BBS9: variants seen among roughly 807,000 people sequenced by gnomAD.
BBS9 encodes Bardet-Biedl syndrome 9.
Under a neutral mutation model 117.7 loss-of-function variants are expected in BBS9, and 89 were observed. That is an observed-to-expected ratio of 0.76 (90% CI 0.64 to 0.90). The LOEUF (loss-of-function observed/expected upper bound fraction) is 0.90, where lower values mean the gene tolerates loss of function less well. Among genes scored for constraint, BBS9 ranks in the 40% least tolerant of loss-of-function variants. BBS9 has a pLI of 0.00. For missense variants in BBS9, 982 were observed against 1,042.2 expected, an observed-to-expected ratio of 0.94 and a Z score of 0.80; for synonymous variants, 379 against 370.9, an observed-to-expected ratio of 1.02 and a Z score of -0.25.
chr7:33,506,483 A>G (rs1846171652), intron 20 of BBS9, among the ~76,000 whole-genome samples: 1 of 152,208 alleles, frequency 6.6e-6, no homozygotes, highest in Admixed American at 6.5e-5. Flanking sequence ...ACCAGGTGTT[A>G]AGTGTTTTGT....
intron 21 of BBS9, among the ~76,000 whole-genome samples, chr7:33,574,445 G>A (rs2598400): frequency 0.41 from 61,979 of 151,884 alleles, 17,627 homozygotes; most frequent in African/African-American, 0.81. Context: ...AGATGAAGAA[G>A]ATGAGGCCCA....
chr7:33,309,772 G>T (rs1808817279), intron 9 of BBS9, among the ~76,000 whole-genome samples: 1 of 152,178 alleles, frequency 6.6e-6, no homozygotes. Context: ...ATCCGGCCAT[G>T]TGGTATTGGA....
At chr7:33,150,262 A>G (rs1225809708) in intron 2 of BBS9, among the ~76,000 whole-genome samples, 2 of 152,176 alleles carry the variant, frequency 1.3e-5, no homozygotes, top group Non-Finnish European at 2.9e-5. Flanking sequence ...TTAGATGACA[A>G]TTTTGAGATT....
chr7:33,450,156 C>T (rs1323087537), intron 19 of BBS9, among the ~76,000 whole-genome samples: 3 of 152,180 alleles, frequency 2.0e-5, no homozygotes, highest in African/African-American at 7.2e-5. Flanking sequence ...GTTTATTTCT[C>T]TTAGCATAAG....
At chr7:33,379,757 A>T (rs1824605413) in intron 17 of BBS9, among the ~76,000 whole-genome samples, 1 of 152,246 alleles carries the variant, frequency 6.6e-6, no homozygotes, top group Non-Finnish European at 1.5e-5. Flanking sequence ...TAATGACAAT[A>T]AGTAACATTT....
intron 21 of BBS9, among the ~76,000 whole-genome samples, chr7:33,597,890 A>G (rs1434983908): frequency 4.0e-5 from 6 of 151,772 alleles, no homozygotes; most frequent in Admixed American, 6.6e-5. Flanking sequence ...AAAAAAAACA[A>G]AACAAAAACA....
chr7:33,282,919 A>C (rs1033497616), intron 9 of BBS9, among the ~76,000 whole-genome samples: 1 of 152,162 alleles, frequency 6.6e-6, no homozygotes, highest in African/African-American at 2.4e-5. Flanking sequence ...AAAATAGCAT[A>C]CTTATATTTT....
chr7:33,237,790 G>A (rs1431930138), intron 5 of BBS9, among the ~76,000 whole-genome samples: 1 of 152,136 alleles, frequency 6.6e-6, no homozygotes, highest in Non-Finnish European at 1.5e-5. Flanking sequence ...GGAGTTATCA[G>A]CTCTAGGTAT....
chr7:33,351,401 C>A, intron 14 of BBS9, 78 bp downstream of exon 14: 1 of 934,920 alleles, frequency 1.1e-6, no homozygotes, highest in Non-Finnish European at 1.8e-6. Context: ...GATGAGAAAA[C>A]ATACTGTGAA....
At chr7:33,164,765 G>T (rs1255315561) in intron 4 of BBS9, among the ~76,000 whole-genome samples, 1 of 152,114 alleles carries the variant, frequency 6.6e-6, no homozygotes, top group Non-Finnish European at 1.5e-5. Context: ...GTACACTGAT[G>T]GGTCTGGACT....
chr7:33,223,167 AT>A (rs933572241), intron 5 of BBS9, among the ~76,000 whole-genome samples: 1 of 151,790 alleles, frequency 6.6e-6, no homozygotes, highest in African/African-American at 2.4e-5. Context: ...CCCCAAATTA[AT>A]TTTTTAATTG....
At chr7:33,488,988 C>CTTTTTT (rs869216155) in intron 19 of BBS9, among the ~76,000 whole-genome samples, 3 of 103,330 alleles carry the variant, frequency 2.9e-5, no homozygotes, top group Non-Finnish European at 5.7e-5. Context: ...GGACAGACTT[C>CTTTTTT]TTTTTTTTTT....
At chr7:33,599,063 A>G (rs991794539) in intron 21 of BBS9, among the ~76,000 whole-genome samples, 2 of 152,198 alleles carry the variant, frequency 1.3e-5, no homozygotes, top group African/African-American at 2.4e-5. Context: ...CACAGAGTCT[A>G]AAAAATATTT....
intron 9 of BBS9, among the ~76,000 whole-genome samples, chr7:33,297,159 G>A (rs1398895072): frequency 6.6e-6 from 1 of 152,164 alleles, no homozygotes; most frequent in Non-Finnish European, 1.5e-5. Context: ...GACTCCAGGA[G>A]ATGACCTGTT....
At chr7:33,600,351 C>T (rs1458333594) in intron 21 of BBS9, among the ~76,000 whole-genome samples, 1 of 151,284 alleles carries the variant, frequency 6.6e-6, no homozygotes, top group Non-Finnish European at 1.5e-5. Context: ...ATTTCTGTTG[C>T]CTTTTACAAA....
At chr7:33,563,719 G>A (rs776260277) in intron 21 of BBS9, among the ~76,000 whole-genome samples, 5 of 152,170 alleles carry the variant, frequency 3.3e-5, no homozygotes, top group Non-Finnish European at 7.4e-5. Context: ...TGAGTTGCAC[G>A]TATGGGGTCA....
At chr7:33,293,818 C>A (rs1804592517) in intron 9 of BBS9, among the ~76,000 whole-genome samples, 1 of 152,072 alleles carries the variant, frequency 6.6e-6, no homozygotes, top group South Asian at 2.1e-4. Flanking sequence ...TCCCAAATAT[C>A]TTTTTTTGTT....
At chr7:33,142,792 G>A (rs1429241236) in intron 1 of BBS9, among the ~76,000 whole-genome samples, 2 of 151,974 alleles carry the variant, frequency 1.3e-5, no homozygotes, top group African/African-American at 4.8e-5. Flanking sequence ...CCATTGTATG[G>A]GTATACCACA....
intron 20 of BBS9, among the ~76,000 whole-genome samples, chr7:33,514,559 C>T (rs1847449770): frequency 6.6e-6 from 1 of 152,200 alleles, no homozygotes; most frequent in South Asian, 2.1e-4. Context: ...AGTTAAACAA[C>T]AGAATCCAGC....
Sources: gnomAD v4.1 joint callset for allele counts (sites outside exome capture counted in the v4.1 genomes callset) on GRCh38, gnomAD v4.1.1 for gene constraint, MANE v1.5 for transcripts, NCBI Gene and HGNC (gene_info 2026-07-23, HGNC 2026-07-21) for gene names.